The following PCDH15 variants were observed in gnomAD, a reference collection of about 807,000 sequenced individuals.
PCDH15 encodes protocadherin related 15.
Under a neutral mutation model 178.5 loss-of-function variants are expected in PCDH15, and 129 were observed. The observed-to-expected ratio is 0.72, with a 90% CI of 0.63 to 0.84. The LOEUF (loss-of-function observed/expected upper bound fraction) is 0.84, where lower values mean the gene tolerates loss of function less well. Among genes scored for constraint, PCDH15 ranks in the 40% least tolerant of loss-of-function variants. The pLI is 0.00. For missense variants in PCDH15, 2,230 were observed against 2,099.9 expected (o/e 1.06, Z -1.21); for synonymous variants, 800 against 732.0 (o/e 1.09, Z -1.50).
intron 2 of PCDH15, among the ~76,000 whole-genome samples, chr10:54,651,478 G>A (rs749644903): frequency 1.7e-4 from 26 of 152,188 alleles, no homozygotes; most frequent in Non-Finnish European, 3.7e-4. Context: ...AAAGACAGAA[G>A]CTGAGTCACT....
chr10:55,558,408 C>T (rs761296975), intron 2 of PCDH15, among the ~76,000 whole-genome samples: 12 of 152,088 alleles, frequency 7.9e-5, no homozygotes, highest in Non-Finnish European at 1.8e-4. Flanking sequence ...TGTTTAGCTA[C>T]AACTTCTATC....
intron 2 of PCDH15, among the ~76,000 whole-genome samples, chr10:54,997,691 T>G (rs1035075548): frequency 1.2e-4 from 18 of 152,168 alleles, no homozygotes; most frequent in African/African-American, 4.1e-4. Flanking sequence ...TAACTTTAAG[T>G]TTGTTACTAT....
At chr10:55,578,685 TA>T (rs1842545422) in intron 2 of PCDH15, among the ~76,000 whole-genome samples, 1 of 152,164 alleles carries the variant, frequency 6.6e-6, no homozygotes, top group African/African-American at 2.4e-5. Context: ...GGGTAATTTA[TA>T]AAGGAAAGAG....
chr10:55,323,745 C>A (rs542917317), upstream of PCDH15, among the ~76,000 whole-genome samples: 11 of 152,262 alleles, frequency 7.2e-5, no homozygotes, highest in African/African-American at 2.6e-4. Flanking sequence ...AGGGACTTTT[C>A]TCAGATGAGG....
intron 2 of PCDH15, among the ~76,000 whole-genome samples, chr10:55,114,558 T>G (rs760816384): frequency 1.1e-4 from 17 of 152,210 alleles, no homozygotes; most frequent in Non-Finnish European, 2.2e-4. Flanking sequence ...TGTAGCTATG[T>G]AAGACAACTA....
intron 21 of PCDH15, among the ~76,000 whole-genome samples, chr10:53,985,273 A>T (rs1410258772): frequency 6.6e-6 from 1 of 152,174 alleles, no homozygotes; most frequent in Non-Finnish European, 1.5e-5. Flanking sequence ...CTCAGTTCTT[A>T]CACTTCATTC....
At chr10:54,180,611 G>C (rs769199281) in intron 13 of PCDH15, among the ~76,000 whole-genome samples, 5 of 152,114 alleles carry the variant, frequency 3.3e-5, no homozygotes, top group Non-Finnish European at 7.4e-5. Context: ...GTAGCATAGG[G>C]ACCTATGTCA....
At chr10:55,279,260 G>A (rs1321303471) in intron 1 of PCDH15, among the ~76,000 whole-genome samples, 1 of 152,140 alleles carries the variant, frequency 6.6e-6, no homozygotes. Context: ...ATTGATATGC[G>A]ATCTCTGAGG....
At chr10:54,793,243 C>A (rs1951607129) in intron 1 of PCDH15, among the ~76,000 whole-genome samples, 1 of 151,852 alleles carries the variant, frequency 6.6e-6, no homozygotes, top group Non-Finnish European at 1.5e-5. Flanking sequence ...GTAGCTGAGC[C>A]TCCACACCCA....
intron 2 of PCDH15, among the ~76,000 whole-genome samples, chr10:55,145,084 ACAACAGAGTAACACAT>A (rs1838468198): frequency 6.6e-6 from 1 of 152,088 alleles, no homozygotes; most frequent in Admixed American, 6.6e-5. Context: ...TTGGACAACT[ACAACAGAGTAACACAT>A]TTTAACACAT....
At chr10:53,900,209 TTCTCTCTCTC>T (rs5785026) in intron 26 of PCDH15, among the ~76,000 whole-genome samples, 2 of 144,540 alleles carry the variant, frequency 1.4e-5, no homozygotes, top group African/African-American at 5.2e-5. Context: ...TCTCTAAACT[TTCTCTCTCTC>T]TCTCTCTCTC....
intron 2 of PCDH15, among the ~76,000 whole-genome samples, chr10:55,161,219 T>G (rs183704936): frequency 6.6e-5 from 10 of 152,274 alleles, no homozygotes; most frequent in Admixed American, 6.5e-4. Flanking sequence ...CCCTTCTTCA[T>G]GCCCTCCTCT....
At chr10:55,227,043 G>C (rs1469328950) in intron 1 of PCDH15, among the ~76,000 whole-genome samples, 2 of 151,872 alleles carry the variant, frequency 1.3e-5, no homozygotes, top group Non-Finnish European at 2.9e-5. Flanking sequence ...AGCTTCATTA[G>C]TCATTCCACA....
At chr10:54,638,248 A>G (rs1351769054) in intron 2 of PCDH15, among the ~76,000 whole-genome samples, 4 of 152,134 alleles carry the variant, frequency 2.6e-5, no homozygotes, top group East Asian at 1.9e-4. Context: ...TGGGGTACCA[A>G]TCTCAGAGAG....
At chr10:54,899,213 A>G (rs2131823536) in intron 2 of PCDH15, among the ~76,000 whole-genome samples, 1 of 152,322 alleles carries the variant, frequency 6.6e-6, no homozygotes, top group Middle Eastern at 3.4e-3. Context: ...ATCCTAATAC[A>G]TGAAGATGAT....
intron 21 of PCDH15, among the ~76,000 whole-genome samples, chr10:53,967,547 C>A (rs1369277103): frequency 5.9e-5 from 9 of 152,294 alleles, no homozygotes; most frequent in African/African-American, 1.9e-4. Context: ...ATTAGGATTA[C>A]AGGTGTAAAC....
At chr10:54,563,419 T>C (rs1284926741) in intron 2 of PCDH15, among the ~76,000 whole-genome samples, 5 of 152,092 alleles carry the variant, frequency 3.3e-5, no homozygotes, top group Non-Finnish European at 7.4e-5. Context: ...ACTTGCCGGG[T>C]ATCACTGACA....
chr10:54,826,235 G>GA lies in PCDH15; in HGVS notation c.-29+71214dup, dbSNP rs530789966. On this transcript the variant is annotated intron_variant, in intron 3 of 5. Transcript: ENST00000458638. ...GGGAGTCAATAAATGTTTGTTAATT[G>GA]AAAAAAAATCCAATCAGTCTGTAGG... 1.7e-3 allele frequency among the ~76,000 whole-genome samples: 264 copies of GA among 151,472 alleles called. 4 individuals are homozygous for GA. Among genetic ancestry groups the GA allele is most frequent in the African/African-American group, 5.9e-3 (243 of 41,350 alleles).
chr10:54,022,118 C>CTT (rs112927953), intron 19 of PCDH15, among the ~76,000 whole-genome samples: 2,911 of 145,102 alleles, frequency 0.02, 79 homozygotes, highest in African/African-American at 0.069. Flanking sequence ...AAAATGGCTA[C>CTT]TTTTTTTTTT....
Sources: allele counts gnomAD v4.1 joint callset (sites outside exome capture counted in the v4.1 genomes callset), GRCh38; gene constraint gnomAD v4.1.1; transcripts MANE v1.5; gene names NCBI Gene and HGNC (gene_info 2026-07-23, HGNC 2026-07-21).